Variants in CSDE1 observed in about 807,000 individuals in gnomAD.
CSDE1 encodes cold shock domain containing E1, also known as cold shock domain-containing protein E1.
In CSDE1, 17 loss-of-function variants were observed where a neutral mutation model predicts 89.3. That is an observed-to-expected ratio of 0.19 (90% CI 0.13 to 0.29). The LOEUF (loss-of-function observed/expected upper bound fraction) is 0.29. Among genes scored for constraint, CSDE1 ranks in the 10% least tolerant of loss-of-function variants. The pLI is 1.00. For missense variants in CSDE1, 672 were observed against 984.2 expected, an observed-to-expected ratio of 0.68 and a Z score of 4.24; for synonymous variants, 322 against 332.8, an observed-to-expected ratio of 0.97 and a Z score of 0.35.
chr1:114,718,188 T>G lies in CSDE1; in HGVS notation c.2378A>C (p.Gln793Pro), dbSNP rs150575144. ...ATGTGGTTAGTCAATGACACCAGCT[T>G]GACGGATCTTTCTTTCTGCACCAAA... ...MGFGAERKIRQAGVID is the reference protein window; with the variant it reads ...MGFGAERKIRPAGVID The change falls in exon 20 of 20, where the codon CAA becomes CCA. Residue 793 changes from glutamine (Q) to proline (P), a missense_variant. Gln to Pro is a moderately conservative substitution (Grantham distance 76). This residue lies in a region of CSDE1 where 206 missense variants were observed against 332.4 expected (regional missense o/e 0.62). Coordinates refer to ENST00000358528, the MANE Select transcript of CSDE1 (RefSeq NM_001007553.3). The G allele has an allele frequency of 4.8e-5, 78 of 1,613,940 alleles. No individual in the cohort carries two copies. Among genetic ancestry groups the G allele is most frequent in the Non-Finnish European group, 6.5e-5 (77 of 1,180,014 alleles).
intron 2 of CSDE1, among the ~76,000 whole-genome samples, chr1:114,747,188 C>A (rs868188188): frequency 6.6e-6 from 1 of 152,164 alleles, no homozygotes; most frequent in South Asian, 2.1e-4. Context: ...TTCTTTCTTG[C>A]CATTTTATGG....
intron 4 of CSDE1, 94 bp downstream of exon 4, chr1:114,737,869 C>A: frequency 2.3e-6 from 2 of 872,064 alleles, no homozygotes; most frequent in Non-Finnish European, 3.9e-6. Flanking sequence ...CTCTTTCGTG[C>A]AAACTGAGGA....
intron 16 of CSDE1, among the ~76,000 whole-genome samples, chr1:114,723,066 C>G (rs936655430): frequency 6.6e-6 from 1 of 151,968 alleles, no homozygotes; most frequent in African/African-American, 2.4e-5. Flanking sequence ...ACCATGCTGG[C>G]CAGGCTGGTC....
intron 2 of CSDE1, among the ~76,000 whole-genome samples, chr1:114,740,334 A>G (rs1271688205): frequency 6.6e-6 from 1 of 152,224 alleles, no homozygotes; most frequent in African/African-American, 2.4e-5. Flanking sequence ...ACTGTTTAGT[A>G]AGTCATGCAT....
rs775503799 is a variant in CSDE1, at chr1:114,733,820, T to G, written c.749A>C (p.Gln250Pro). The change falls in exon 9 of 20, where the codon CAA becomes CCA. Residue 250 changes from glutamine (Q) to proline (P), a missense_variant. Around this residue, in one of 8 missense-constraint regions of CSDE1, gnomAD observed 169 missense variants for 262.9 expected, o/e 0.64. Transcript: ENST00000358528. ...EVATDVRLLP[Q>P]GTVIFEDISI... ...GATATCTTCAAAAATGACTGTTCCT[T>G]GAGGCAATAGTCTGACATCTGTTGC... 6.2e-7 allele frequency: 1 copy of G among 1,614,050 alleles called. No homozygotes were observed. Among genetic ancestry groups the G allele is most frequent in the African/African-American group, 1.3e-5 (1 of 75,060 alleles).
intron 1 of CSDE1, among the ~76,000 whole-genome samples, chr1:114,751,206 G>C (rs772896290): frequency 3.9e-5 from 6 of 152,176 alleles, no homozygotes; most frequent in Non-Finnish European, 7.3e-5. Context: ...GTCTATAGAA[G>C]AGAAATAAAA....
intron 5 of CSDE1, 49 bp downstream of exon 5, chr1:114,737,422 G>C: frequency 7.3e-7 from 1 of 1,370,632 alleles, no homozygotes; most frequent in Non-Finnish European, 1.0e-6. Flanking sequence ...TACGCTTATA[G>C]ATCACATGGT....
intron 10 of CSDE1, among the ~76,000 whole-genome samples, chr1:114,731,667 C>T (rs1660108009): frequency 6.6e-6 from 1 of 152,170 alleles, no homozygotes; most frequent in Admixed American, 6.6e-5. Context: ...CAGACACAAA[C>T]TCTTAAAAAA....
At chr1:114,739,954 G>T in intron 2 of CSDE1, 64 bp from the exon 3 acceptor site, 1 of 1,318,660 alleles carries the variant, frequency 7.6e-7, no homozygotes, top group Non-Finnish European at 1.1e-6. Flanking sequence ...TATTAAGTCT[G>T]GTTAATAAGT....
rs777338992 is a variant in CSDE1, at chr1:114,730,517, A to G, written c.1182T>C (p.Thr394=). Residue 394 remains threonine, a synonymous_variant, in exon 11 of 20, where the codon ACT becomes ACC. Transcript: ENST00000358528. ...CTCAGAAACAACTCACAGGAACCAC[A>G]GTAAACTCTACTTCATCTGCAATAT... ...QLHIADEVEF[T]VVPDMLSAQR... 2 of 1,614,166 alleles carry G rather than the reference A, an allele frequency of 1.2e-6. No homozygotes were observed.
At chr1:114,729,653 C>T (rs920377638) in intron 12 of CSDE1, among the ~76,000 whole-genome samples, 1 of 152,118 alleles carries the variant, frequency 6.6e-6, no homozygotes, top group Non-Finnish European at 1.5e-5. Context: ...CCATCACATA[C>T]CCTACCAGTT....
In CSDE1 at chr1:114,722,548, G is replaced by A. The variant is rs78091614; in HGVS notation, c.1873+1335C>T. ...GGGAAAATGTAATCTGTCTAGTCCC[G>A]GGCTTAGAGATGCCTAAACAAAACC... On this transcript the variant is annotated intron_variant, in intron 16 of 19. Coordinates refer to ENST00000358528, the MANE Select transcript of CSDE1 (RefSeq NM_001007553.3). 4.7e-4 allele frequency among the ~76,000 whole-genome samples: 72 copies of A among 152,260 alleles called. 1 individual carries two copies. In the East Asian group the frequency reaches 0.014, roughly 29 times the overall value.
At chr1:114,742,857 T>A (rs1660805935) in intron 2 of CSDE1, among the ~76,000 whole-genome samples, 1 of 152,232 alleles carries the variant, frequency 6.6e-6, no homozygotes, top group Non-Finnish European at 1.5e-5. Flanking sequence ...TATAAAGCTT[T>A]TTAAAATTAA....
rs546651526 is a variant in CSDE1 at position 114,756,883 on chromosome 1, G to A, written c.-388+1042C>T. ...GGCCGCCATCTGGGTGTTTCTAAGG[G>A]AAAACCTTAAAGCAAAAGAACCTTG... On this transcript the variant is annotated intron_variant, in intron 1 of 19. Transcript: ENST00000358528. 7 of 152,324 alleles carry A rather than the reference G, an allele frequency of 4.6e-5. No homozygotes were observed. In the East Asian group the frequency reaches 9.6e-4, roughly 21 times the overall value. 9.4% of individuals were successfully genotyped at this position (152,324 alleles called of 1,614,324 possible).
In CSDE1 at chr1:114,750,004, A is replaced by G. The variant is rs1004584339; in HGVS notation, c.-184T>C. The G allele has an allele frequency of 7.9e-5, 12 of 152,664 alleles. No homozygotes were observed. Among genetic ancestry groups the G allele is most frequent in the Non-Finnish European group, 2.9e-5 (2 of 68,038 alleles). The allele number at this position is 152,664 out of a possible 1,614,324, so 9.5% of individuals were successfully genotyped here. On this transcript the variant is annotated 5_prime_UTR_variant, in exon 2 of 20. Coordinates refer to ENST00000358528, the MANE Select transcript of CSDE1 (RefSeq NM_001007553.3). ...AATCTCACAGTACAGCACTGAAGAA[A>G]ACAAAGACTACTAGCAGCGTTGGGA...
chr1:114,742,224 A>T lies in CSDE1; in HGVS notation c.1-2334T>A, dbSNP rs545816194. Among the ~76,000 whole-genome samples, 11 of 152,308 alleles carry T rather than the reference A, an allele frequency of 7.2e-5. No individual in the cohort carries two copies. In the East Asian group the frequency reaches 1.4e-3, roughly 19 times the overall value. Reference sequence around the variant, plus strand: ...GTGAAGTCCTCACTCATTTGCTCTTACCGTATTACCGTATGCCCGATAAGG... The same window carrying T: ...GTGAAGTCCTCACTCATTTGCTCTTTCCGTATTACCGTATGCCCGATAAGG... On this transcript the variant is annotated intron_variant, in intron 2 of 19. Transcript: ENST00000358528.
At chr1:114,738,404 ATAC>A (rs1385962508) in intron 3 of CSDE1, among the ~76,000 whole-genome samples, 1 of 152,116 alleles carries the variant, frequency 6.6e-6, no homozygotes, top group Admixed American at 6.5e-5. Flanking sequence ...GCATTTACAC[ATAC>A]TACAAATGAG....
rs767500760 is a variant in CSDE1, at chr1:114,737,914, T to C, written c.309+49A>G. Reference sequence around the variant, plus strand: ...AATCTTCCTTTTCTAATGTGAAAGATATGCAAATGCAGGGCCCTAAAAAAA... The same window carrying C: ...AATCTTCCTTTTCTAATGTGAAAGACATGCAAATGCAGGGCCCTAAAAAAA... On this transcript the variant is annotated intron_variant, in intron 4 of 19. Coordinates refer to ENST00000358528, the MANE Select transcript of CSDE1 (RefSeq NM_001007553.3). The C allele has an allele frequency of 3.3e-6, 4 of 1,195,920 alleles. No individual in the cohort carries two copies. The South Asian group carries it at 3.6e-5, about 11-fold the overall frequency. 74.1% of individuals were successfully genotyped at this position (1,195,920 alleles called of 1,614,324 possible).
chr1:114,734,577 T>C (rs1660290717), intron 6 of CSDE1, 54 bp from the exon 7 acceptor site: 10 of 1,421,804 alleles, frequency 7.0e-6, no homozygotes, highest in Non-Finnish European at 9.8e-6. Context: ...TAAAAATGTA[T>C]TGGCCTGCTT....
Sources: gnomAD v4.1 joint callset for allele counts (sites outside exome capture counted in the v4.1 genomes callset) on GRCh38, gnomAD v4.1.1 for gene constraint, gnomAD v4.1.1 regional missense constraint, MANE v1.5 for transcripts, NCBI Gene and HGNC (gene_info 2026-07-23, HGNC 2026-07-21) for gene names.